ANO2: variants seen among roughly 807,000 people sequenced by gnomAD.
ANO2 encodes the protein anoctamin-2.
In ANO2, 101 loss-of-function variants were observed where a neutral mutation model predicts 124.2. The observed-to-expected ratio is 0.81, with a 90% CI of 0.69 to 0.96. ANO2 has a LOEUF of 0.96. Ranked by LOEUF, ANO2 falls within the 40% of genes least tolerant of loss-of-function variation. The probability of loss-of-function intolerance (pLI) is 0.00; values close to 1 mark genes in which losing one functional copy is unlikely to be tolerated. For synonymous variants in ANO2, 486 were observed against 482.5 expected (o/e 1.01, Z -0.09); for missense variants, 1,293 against 1,274.5 (o/e 1.01, Z -0.22).
At chr12:5,866,106 T>C (rs1955420514) in intron 3 of ANO2, among the ~76,000 whole-genome samples, 1 of 152,174 alleles carries the variant, frequency 6.6e-6, no homozygotes, top group Admixed American at 6.5e-5. Flanking sequence ...TCCAACCCTC[T>C]GCCACAACGA....
intron 1 of ANO2, among the ~76,000 whole-genome samples, chr12:5,927,603 C>G (rs772548006): frequency 6.6e-6 from 1 of 152,218 alleles, no homozygotes; most frequent in Non-Finnish European, 1.5e-5. Context: ...CGACCATTTC[C>G]TCATTTAACC....
intron 10 of ANO2, among the ~76,000 whole-genome samples, chr12:5,773,335 G>C (rs932364766): frequency 5.3e-5 from 8 of 152,140 alleles, no homozygotes; most frequent in Non-Finnish European, 1.2e-4. Flanking sequence ...AGTCTAAAAA[G>C]GGGTCAGGGG....
chr12:5,827,933 CCAGGACGA>C, intron 6 of ANO2, 113 bp from the exon 7 acceptor site: 5 of 1,186,672 alleles, frequency 4.2e-6, no homozygotes, highest in Non-Finnish European at 5.9e-6. Context: ...TCATTTGGAG[CCAGGACGA>C]AGCCAAGCAT....
intron 14 of ANO2, among the ~76,000 whole-genome samples, chr12:5,657,442 GA>G (rs1565530488): frequency 6.6e-6 from 1 of 151,956 alleles, no homozygotes; most frequent in African/African-American, 2.4e-5. Context: ...GAGAAACAGC[GA>G]AACTCCAGAA....
chr12:5,887,154 G>T (rs1331740399), intron 3 of ANO2, among the ~76,000 whole-genome samples: 2 of 152,128 alleles, frequency 1.3e-5, no homozygotes, highest in Non-Finnish European at 1.5e-5. Context: ...TCTTGAAAGT[G>T]ATCATAATTA....
rs74056069 is a variant in ANO2 at position 5,615,069 on chromosome 12, G to A, written c.1928+117C>T. On this transcript the variant is annotated intron_variant, in intron 17 of 24. Transcript: ENST00000682330. ...ATGGGAAGGCAGGTGAAAGTGGGGC[G>A]GAGAAGGGGCTGACGCTGAGTGGAC... is the stretch of plus-strand genomic sequence containing the variant. 1.7e-3 allele frequency: 1,170 copies of A among 679,664 alleles called. 8 individuals are homozygous for A. The highest frequency in any genetic ancestry group is 0.015 in the African/African-American group (800 of 54,632). The allele number at this position is 679,664 out of a possible 1,614,324, so 42.1% of individuals were successfully genotyped here.
chr12:5,938,223 A>C (rs1942738674), intron 1 of ANO2, among the ~76,000 whole-genome samples: 2 of 152,066 alleles, frequency 1.3e-5, no homozygotes, highest in South Asian at 4.1e-4. Flanking sequence ...TTGCTGCTCC[A>C]AATTTTTATC....
At chr12:5,653,718 A>G (rs947241528) in intron 14 of ANO2, among the ~76,000 whole-genome samples, 1 of 152,238 alleles carries the variant, frequency 6.6e-6, no homozygotes, top group Non-Finnish European at 1.5e-5. Flanking sequence ...GTAGTAGCAG[A>G]AACTGAGAAA....
intron 20 of ANO2, 56 bp from the exon 21 acceptor site, chr12:5,578,574 T>G: frequency 6.4e-7 from 1 of 1,557,646 alleles, no homozygotes; most frequent in South Asian, 1.2e-5. Context: ...CTCAGGTCCC[T>G]TCTGGCTTGC....
Position 5,893,489 on chromosome 12 carries a change from CT to C in ANO2, c.534+27550del, listed in dbSNP as rs1175378261. ...TATGTAGTTTTTTTTCCCTTTTTTT[CT>C]TTTTTTTTTTTTAATTATACTTTAA... On this transcript the variant is annotated intron_variant, in intron 3 of 24. Transcript: ENST00000682330. Among the ~76,000 whole-genome samples, 370 of 137,498 alleles carry C rather than the reference CT, an allele frequency of 2.7e-3. 1 individual carries two copies. The highest frequency in any genetic ancestry group is 3.8e-3 in the Middle Eastern group (1 of 266). 90.2% of individuals were successfully genotyped at this position (137,498 alleles called of 152,430 possible).
At chr12:5,596,896 C>T (rs1260949772) in intron 20 of ANO2, among the ~76,000 whole-genome samples, 2 of 152,122 alleles carry the variant, frequency 1.3e-5, no homozygotes, top group African/African-American at 4.8e-5. Context: ...GATACTAATT[C>T]ATTCACTACT....
intron 14 of ANO2, among the ~76,000 whole-genome samples, chr12:5,727,535 C>A (rs949853343): frequency 6.6e-6 from 1 of 150,420 alleles, no homozygotes; most frequent in Non-Finnish European, 1.5e-5. Context: ...AAGCAATGGC[C>A]TACAGCTAAC....
chr12:5,933,295 G>C (rs1005500873), intron 1 of ANO2, among the ~76,000 whole-genome samples: 5 of 152,186 alleles, frequency 3.3e-5, no homozygotes, highest in Non-Finnish European at 7.3e-5. Flanking sequence ...AAGGTGATCT[G>C]CTTTTTTATT....
intron 4 of ANO2, among the ~76,000 whole-genome samples, chr12:5,849,217 G>A (rs1188884142): frequency 6.6e-6 from 1 of 152,184 alleles, no homozygotes; most frequent in Non-Finnish European, 1.5e-5. Context: ...ACCCATCCCA[G>A]GCATGTCACT....
At chr12:5,929,357 C>G (rs1320926800) in intron 1 of ANO2, among the ~76,000 whole-genome samples, 2 of 82,054 alleles carry the variant, frequency 2.4e-5, no homozygotes, top group Non-Finnish European at 4.6e-5. Context: ...CGTCTGCCTT[C>G]TTTCCTTATT....
intron 14 of ANO2, among the ~76,000 whole-genome samples, chr12:5,715,399 T>G (rs1163210449): frequency 1.3e-5 from 2 of 152,174 alleles, no homozygotes; most frequent in African/African-American, 4.8e-5. Flanking sequence ...GCCCCAGAAT[T>G]CTCTTTCTTC....
intron 14 of ANO2, among the ~76,000 whole-genome samples, chr12:5,679,781 T>A (rs543251536): frequency 1.4e-4 from 22 of 152,284 alleles, no homozygotes; most frequent in African/African-American, 4.8e-4. Context: ...GCAATCCCAT[T>A]ATGGGATGTA....
chr12:5,742,855 C>T (rs1456940261), intron 12 of ANO2, among the ~76,000 whole-genome samples: 1 of 152,018 alleles, frequency 6.6e-6, no homozygotes, highest in Non-Finnish European at 1.5e-5. Flanking sequence ...GCAACAAGCC[C>T]CAACTTCAGT....
chr12:5,725,146 T>G (rs371111007), intron 14 of ANO2, among the ~76,000 whole-genome samples: 27 of 150,356 alleles, frequency 1.8e-4, no homozygotes, highest in Middle Eastern at 6.8e-3. Flanking sequence ...CTCACACCAC[T>G]GGCACACTCA....
Sources: gnomAD v4.1 joint callset for allele counts (sites outside exome capture counted in the v4.1 genomes callset) on GRCh38, gnomAD v4.1.1 for gene constraint, MANE v1.5 for transcripts, NCBI Gene and HGNC (gene_info 2026-07-23, HGNC 2026-07-21) for gene names.